The following EFR3A variants were observed in gnomAD, a reference collection of about 807,000 sequenced individuals.
The protein encoded by EFR3A is EFR3 homolog A.
EFR3A carries 76 observed loss-of-function variants against 104.4 expected under a neutral mutation model. The ratio of observed to expected loss-of-function variants is 0.73; its 90% CI spans 0.60 to 0.88. The LOEUF (loss-of-function observed/expected upper bound fraction) is 0.88. EFR3A is among the 40% of genes least tolerant of loss of function. EFR3A has a pLI of 0.00. For synonymous variants in EFR3A, 330 were observed against 330.0 expected, an observed-to-expected ratio of 1.00 and a Z score of 0.00; for missense variants, 985 against 1,012.5, an observed-to-expected ratio of 0.97 and a Z score of 0.37.
chr8:131,930,074 A>G (rs924667143), intron 1 of EFR3A, among the ~76,000 whole-genome samples: 1 of 152,160 alleles, frequency 6.6e-6, no homozygotes, highest in Non-Finnish European at 1.5e-5. Context: ...ATGTAAAGAT[A>G]CACACTTCCA....
intron 8 of EFR3A, among the ~76,000 whole-genome samples, chr8:131,966,024 A>C (rs1164168500): frequency 1.3e-5 from 2 of 152,104 alleles, no homozygotes; most frequent in East Asian, 3.9e-4. Context: ...GAACACATGG[A>C]CACAGGAAGG....
In EFR3A at chr8:131,904,249, C is replaced by T. The variant is rs1563801209; in HGVS notation, c.-64C>T. ...GGCCCAGCAACGGCCGTCATGGTGC[C>T]GTCGGCGCTCCCTGCGCGGCCCCGC... On this transcript the variant is annotated 5_prime_UTR_variant, in exon 1 of 23. Coordinates refer to ENST00000254624, the MANE Select transcript of EFR3A (RefSeq NM_015137.6). 3.1e-6 allele frequency: 4 copies of T among 1,280,090 alleles called. No individual in the cohort carries two copies. The highest frequency in any genetic ancestry group is 6.3e-5 in the East Asian group (2 of 31,676). The allele number at this position is 1,280,090 out of a possible 1,614,324, so 79.3% of individuals were successfully genotyped here.
In EFR3A at chr8:131,953,819, A is replaced by C; in HGVS notation, c.490A>C (p.Ile164Leu). ...CTTCCTTTTTTTTTTTTTTTATAGGATACGAATTGCTGGAATTAGAGGTAT... is the reference window on the plus strand; with the variant it reads ...CTTCCTTTTTTTTTTTTTTTATAGGCTACGAATTGCTGGAATTAGAGGTAT... ...CHSDPEIRTE[I>L]RIAGIRGIQG... Residue 164 changes from isoleucine to leucine, a missense_variant and splice_region_variant, in exon 6 of 23, where the codon ATA becomes CTA. Coordinates refer to ENST00000254624, the MANE Select transcript of EFR3A (RefSeq NM_015137.6). 2 of 1,496,530 alleles carry C rather than the reference A, an allele frequency of 1.3e-6. No homozygotes were observed. The highest frequency in any genetic ancestry group is 1.8e-4 in the Middle Eastern group (1 of 5,564). The allele number at this position is 1,496,530 out of a possible 1,614,324, so 92.7% of individuals were successfully genotyped here. A position where few individuals can be genotyped will look rare whatever the true frequency, so the allele number is the denominator to read the frequency against.
At chr8:131,944,964 G>A (rs1818360716) in intron 3 of EFR3A, 92 bp downstream of exon 3, 1 of 1,366,606 alleles carries the variant, frequency 7.3e-7, no homozygotes, top group African/African-American at 1.5e-5. Context: ...CATTTAGTGA[G>A]ACAAAGATAA....
At chr8:132,010,405 G>GATATATATATATATATATAT (rs200821953) in intron 22 of EFR3A, among the ~76,000 whole-genome samples, 9 of 88,006 alleles carry the variant, frequency 1.0e-4, no homozygotes, top group African/African-American at 3.3e-4. Flanking sequence ...AATCAAGTAT[G>GATATATATATATATATATAT]AGATATATAT....
chr8:131,917,185 T>C (rs1816778279), intron 1 of EFR3A, among the ~76,000 whole-genome samples: 1 of 152,254 alleles, frequency 6.6e-6, no homozygotes, highest in African/African-American at 2.4e-5. Flanking sequence ...GCAGAGTTGC[T>C]GGGAAACTGC....
intron 1 of EFR3A, among the ~76,000 whole-genome samples, chr8:131,937,849 G>A (rs1243629057): frequency 6.6e-6 from 1 of 150,950 alleles, no homozygotes; most frequent in Non-Finnish European, 1.5e-5. Flanking sequence ...ATTAGTTTTG[G>A]GACCCAAGTG....
chr8:131,952,814 G>A (rs1036730958), intron 5 of EFR3A, among the ~76,000 whole-genome samples: 1 of 152,030 alleles, frequency 6.6e-6, no homozygotes, highest in Non-Finnish European at 1.5e-5. Flanking sequence ...CTGAATGCCT[G>A]CATTATTTTG....
intron 1 of EFR3A, among the ~76,000 whole-genome samples, chr8:131,930,233 T>C (rs953119595): frequency 6.6e-6 from 1 of 152,130 alleles, no homozygotes; most frequent in Non-Finnish European, 1.5e-5. Flanking sequence ...ATGGTGCAGA[T>C]ATAGATTTGG....
chr8:131,938,971 T>C (rs1168102455), intron 1 of EFR3A, among the ~76,000 whole-genome samples: 2 of 152,142 alleles, frequency 1.3e-5, no homozygotes, highest in South Asian at 2.1e-4. Context: ...GCTATTGATA[T>C]AGTTATGGTT....
At chr8:131,957,652 G>A (rs1266873069) in intron 7 of EFR3A, among the ~76,000 whole-genome samples, 1 of 152,018 alleles carries the variant, frequency 6.6e-6, no homozygotes, top group Admixed American at 6.6e-5. Context: ...ACCCTGCCAG[G>A]GCCAGTATCT....
At chr8:131,931,737 T>C (rs1197458746) in intron 1 of EFR3A, among the ~76,000 whole-genome samples, 1 of 152,006 alleles carries the variant, frequency 6.6e-6, no homozygotes, top group Non-Finnish European at 1.5e-5. Context: ...TTATTATATA[T>C]GAAAAAAAAC....
intron 1 of EFR3A, among the ~76,000 whole-genome samples, chr8:131,926,693 C>T (rs1447796355): frequency 1.3e-5 from 2 of 152,004 alleles, no homozygotes; most frequent in Non-Finnish European, 2.9e-5. Flanking sequence ...GATTGTAGCT[C>T]ACTGCAACCT....
At position 132,012,105 on chromosome 8, in the gene EFR3A, T is replaced by C. The variant is rs1447412440; in HGVS notation, c.*1210T>C. The stretch of plus-strand genomic sequence containing the variant: ...TTTCTTTGTAACTCATAAAATTCTC[T>C]TAGGACATTTTTATAAAGTCACCTG... On this transcript the variant is annotated 3_prime_UTR_variant, in exon 23 of 23. Transcript: ENST00000254624. 1.3e-5 allele frequency: 2 copies of C among 152,222 alleles called. No homozygotes were observed. The highest frequency in any genetic ancestry group is 2.4e-5 in the African/African-American group (1 of 41,466). The allele number at this position is 152,222 out of a possible 1,614,324, so 9.4% of individuals were successfully genotyped here.
rs1392729363 is a variant in EFR3A at position 131,982,457 on chromosome 8, CAT to C, written c.1576-1681_1576-1680del. On this transcript the variant is annotated intron_variant, in intron 14 of 22. Transcript: ENST00000254624. ...GTGCTCCTAAAAACATGCTTGTACA[CAT>C]GTTGTGCTGTATATAACTCCCATTT... Among the ~76,000 whole-genome samples, 3 of 152,140 alleles carry C rather than the reference CAT, an allele frequency of 2.0e-5. No individual in the cohort carries two copies. The East Asian group carries it at 5.8e-4, about 29-fold the overall frequency.
chr8:131,942,387 C>T (rs1818207641), intron 2 of EFR3A, among the ~76,000 whole-genome samples: 1 of 152,044 alleles, frequency 6.6e-6, no homozygotes, highest in African/African-American at 2.4e-5. Flanking sequence ...TACCCAAATG[C>T]AGAAGCAGAT....
intron 1 of EFR3A, among the ~76,000 whole-genome samples, chr8:131,923,994 A>G (rs1817179082): frequency 6.6e-6 from 1 of 152,050 alleles, no homozygotes; most frequent in Non-Finnish European, 1.5e-5. Context: ...GCTACTTAGT[A>G]TCAGAGACTT....
At chr8:131,954,083 T>G in intron 6 of EFR3A, 116 bp downstream of exon 6, 1 of 1,048,054 alleles carries the variant, frequency 9.5e-7, no homozygotes, top group Non-Finnish European at 1.3e-6. Flanking sequence ...CTCGTAAAGT[T>G]AAGTGAGTTT....
At position 131,904,338 on chromosome 8, in the gene EFR3A, A is replaced by G. The variant is rs898584700; in HGVS notation, c.10+16A>G. The stretch of plus-strand genomic sequence containing the variant: ...ATGCCTACCCGTGAGTGGCCGGCCG[A>G]GGGCCGGGGGCGTTGGGAGGCGACT... On this transcript the variant is annotated intron_variant, in intron 1 of 22. Coordinates refer to ENST00000254624, the MANE Select transcript of EFR3A (RefSeq NM_015137.6). 1.6e-6 allele frequency: 2 copies of G among 1,250,176 alleles called. No individual in the cohort carries two copies. Among genetic ancestry groups the G allele is most frequent in the Non-Finnish European group, 2.0e-6 (2 of 996,336 alleles). 77.4% of individuals were successfully genotyped at this position (1,250,176 alleles called of 1,614,324 possible). A position where few individuals can be genotyped will look rare whatever the true frequency, so the allele number is the denominator to read the frequency against.
Sources: gnomAD v4.1 joint callset for allele counts (sites outside exome capture counted in the v4.1 genomes callset) on GRCh38, gnomAD v4.1.1 for gene constraint, MANE v1.5 for transcripts, NCBI Gene and HGNC (gene_info 2026-07-23, HGNC 2026-07-21) for gene names.